The following LYSMD4 variants were observed in gnomAD, a reference collection of about 807,000 sequenced individuals.
LYSMD4 encodes the protein lysM and putative peptidoglycan-binding domain-containing protein 4.
A neutral mutation model predicts 6.1 loss-of-function variants in LYSMD4; 9 were observed. The observed-to-expected ratio is 1.47, with a 90% CI of 0.88 to 2.56. The LOEUF (loss-of-function observed/expected upper bound fraction) is 2.56. Ranked by LOEUF, LYSMD4 falls within the 30% of genes most tolerant of loss-of-function variation. LYSMD4 has a pLI of 0.00. For synonymous variants in LYSMD4, 143 were observed against 148.5 expected (o/e 0.96, Z 0.27); for missense variants, 384 against 373.5 (o/e 1.03, Z -0.23).
chr15:99,717,144 C>T (rs1247694469), exon 1 of LYSMD4: 1 of 154,716 alleles, frequency 6.5e-6, no homozygotes, highest in Non-Finnish European at 1.4e-5. Context: ...AAGCAGATTC[C>T]TGGTGTTAAA....
At chr15:99,725,972 G>A (rs141223582), downstream of LYSMD4, among the ~76,000 whole-genome samples, 1 of 152,186 alleles carries the variant, frequency 6.6e-6, no homozygotes, top group African/African-American at 2.4e-5. Context: ...GGTAGTGAGG[G>A]TAAAGTGGGT....
rs755341879 is a variant in LYSMD4 at position 99,728,784 on chromosome 15, C to T, written c.*339G>A. On this transcript the variant is annotated 3_prime_UTR_variant, in exon 3 of 3. Transcript: ENST00000684762. ...ACTGGCTCTCACGCTGCAGGTCCCT[C>T]GACAGAGGCCATAAATCTTTCCCTC... is the stretch of plus-strand genomic sequence containing the variant. 2 of 309,038 alleles carry T rather than the reference C, an allele frequency of 6.5e-6. No homozygotes were observed. Among genetic ancestry groups the T allele is most frequent in the Non-Finnish European group, 1.2e-5 (2 of 160,556 alleles). The allele number at this position is 309,038 out of a possible 1,614,324, so 19.1% of individuals were successfully genotyped here.
rs911569088 is a variant in LYSMD4 at position 99,731,270 on chromosome 15, G to C, written c.282+448C>G. On this transcript the variant is annotated intron_variant, in intron 2 of 2. Transcript: ENST00000684762. ...TACAAAAGACCATGCAGTTCTAAAC[G>C]AGAGAAGGTAAAACTTTACCAAAAG... 3 of 1,601,124 alleles carry C rather than the reference G, an allele frequency of 1.9e-6. No homozygotes were observed. The African/African-American group carries it at 4.1e-5, about 22-fold the overall frequency.
chr15:99,719,300 C>A (rs77429094), upstream of LYSMD4, among the ~76,000 whole-genome samples: 6 of 152,186 alleles, frequency 3.9e-5, no homozygotes, highest in Non-Finnish European at 5.9e-5. Context: ...TTTTATTTCA[C>A]TTTCGGCACC....
chr15:99,723,145 AAAAATGAAT>A (rs1017677974), downstream of LYSMD4, among the ~76,000 whole-genome samples: 19 of 152,336 alleles, frequency 1.2e-4, no homozygotes, highest in African/African-American at 4.6e-4. Context: ...GAGACAATAA[AAAAATGAAT>A]AAAATATAAA....
Position 99,729,598 on chromosome 15 carries a change from G to C in LYSMD4, c.416C>G (p.Pro139Arg). ...CACGGTCACTGTGGTCTCGGAAGAC[G>C]GGCTCAGAAGGGGTTTCAGTTCTTT... Reference protein sequence around the residue: ...THKELKPLLSPSSETTVTVEL... With the variant: ...THKELKPLLSRSSETTVTVEL... Residue 139 changes from proline (P) to arginine (R), a missense_variant, in exon 3 of 3, where the codon CCG becomes CGG. Physicochemically the swap from Pro to Arg is moderately radical, Grantham distance 103. Coordinates refer to ENST00000684762, the MANE Select transcript of LYSMD4 (RefSeq NM_001284417.2). The C allele has an allele frequency of 6.2e-7, 1 of 1,614,130 alleles. No homozygotes were observed.
At chr15:99,733,083 C>CG (rs1222462521) in intron 1 of LYSMD4, 30 of 353,548 alleles carry the variant, frequency 8.5e-5, no homozygotes. Flanking sequence ...GGGAGCGGCC[C>CG]GGCCCCAGGG....
intron 2 of LYSMD4, among the ~76,000 whole-genome samples, chr15:99,730,667 T>A (rs1567555343): frequency 6.6e-6 from 1 of 152,272 alleles, no homozygotes; most frequent in African/African-American, 2.4e-5. Flanking sequence ...ATCTAATGCA[T>A]GAGACCCTTG....
In LYSMD4 at chr15:99,731,853, C is replaced by T. The variant is rs759814653; in HGVS notation, c.147G>A (p.Arg49=). The change falls in exon 2 of 3, where the codon CGG becomes CGA. Residue 49 remains arginine (R), a synonymous_variant. Coordinates refer to ENST00000684762, the MANE Select transcript of LYSMD4 (RefSeq NM_001284417.2). ...TCTTGTGGCGCTCCTTGCCCCGGGG[C>T]CGCAAAACCACACGGTGAGACTCTT... ...SEEESHRVVL[R]PRGKERHKSG... The T allele has an allele frequency of 2.5e-6, 4 of 1,613,280 alleles. No individual in the cohort carries two copies. The South Asian group carries it at 3.3e-5, about 13-fold the overall frequency.
chr15:99,733,298 C>T, intron 1 of LYSMD4, 47 bp downstream of exon 1: 1 of 389,334 alleles, frequency 2.6e-6, no homozygotes, highest in Non-Finnish European at 4.5e-6. Flanking sequence ...CATGAGCCCG[C>T]GCGGCTCCCT....
chr15:99,732,700 G>C lies in LYSMD4; in HGVS notation c.-9+645C>G, dbSNP rs540760941. Among the ~76,000 whole-genome samples, 7 of 152,358 alleles carry C rather than the reference G, an allele frequency of 4.6e-5. No individual in the cohort carries two copies. The East Asian group carries it at 1.3e-3, about 29-fold the overall frequency. Reference sequence around the variant, plus strand: ...CTGTTCCTCTCTCCAGATTGTTCGCGTGAGATTCCAGAAACGAAATCTCAA... The same window carrying C: ...CTGTTCCTCTCTCCAGATTGTTCGCCTGAGATTCCAGAAACGAAATCTCAA... On this transcript the variant is annotated intron_variant, in intron 1 of 2. Transcript: ENST00000684762.
chr15:99,721,406 CCTTT>C (rs2059237136), upstream of LYSMD4, among the ~76,000 whole-genome samples: 1 of 152,212 alleles, frequency 6.6e-6, no homozygotes, highest in African/African-American at 2.4e-5. Context: ...GGCTATCCTT[CCTTT>C]CTAACTACTC....
downstream of LYSMD4, among the ~76,000 whole-genome samples, chr15:99,724,732 C>CA (rs1245622597): frequency 6.6e-6 from 1 of 152,238 alleles, no homozygotes; most frequent in Non-Finnish European, 1.5e-5. Flanking sequence ...TGATGTACAA[C>CA]AACCCAGTGT....
rs202140736 is a variant in LYSMD4, at chr15:99,729,173, C to T, written c.841G>A (p.Val281Ile). The change falls in exon 3 of 3, where the codon GTC becomes ATC. Residue 281 changes from valine (V) to isoleucine (I), a missense_variant. Transcript: ENST00000684762. ...APRLAVAVPA[V>I]TSADSQFSQT... Reference sequence around the variant, plus strand: ...CTGAACTGGCTGTCTGCAGAAGTGACGGCTGGCACTGCAACTGCTAGTCTG... The same window carrying T: ...CTGAACTGGCTGTCTGCAGAAGTGATGGCTGGCACTGCAACTGCTAGTCTG... 42 of 1,614,216 alleles carry T rather than the reference C, an allele frequency of 2.6e-5. No individual in the cohort carries two copies. Among genetic ancestry groups the T allele is most frequent in the East Asian group, 2.2e-4 (10 of 44,884 alleles).
intron 2 of LYSMD4, chr15:99,731,434 A>C (rs780554830): frequency 6.2e-7 from 1 of 1,605,928 alleles, no homozygotes. Flanking sequence ...TCGAAAGAAG[A>C]AAAAAGGTTT....
chr15:99,729,251 T>C lies in LYSMD4; in HGVS notation c.763A>G (p.Thr255Ala), dbSNP rs143078595. 1.9e-6 allele frequency: 3 copies of C among 1,614,056 alleles called. No homozygotes were observed. Among genetic ancestry groups the C allele is most frequent in the Admixed American group, 1.7e-5 (1 of 60,000 alleles). The change falls in exon 3 of 3, where the codon ACT becomes GCT. Residue 255 changes from threonine (T) to alanine (A), a missense_variant. Thr to Ala is a moderately conservative substitution (Grantham distance 58). Coordinates refer to ENST00000684762, the MANE Select transcript of LYSMD4 (RefSeq NM_001284417.2). Reference protein sequence around the residue: ...SGETPNSLNTTVIPNGSMAMG... With the variant: ...SGETPNSLNTAVIPNGSMAMG... ...GCCATCGAGCCATTGGGGATGACAG[T>C]TGTGTTCAAGCTATTAGGGGTCTCA...
At position 99,731,737 on chromosome 15, in the gene LYSMD4, G is replaced by A. The variant is rs1249700216; in HGVS notation, c.263C>T (p.Ala88Val). Reference protein sequence around the residue: ...LAQEDSLNKLALQYGCKVADI... With the variant: ...LAQEDSLNKLVLQYGCKVADI... ...TCTTACTTTGCAGCCATACTGCAGC[G>A]CCAGCTTGTTGAGGCTGTCCTCCTG... Residue 88 changes from alanine (A) to valine (V), a missense_variant, in exon 2 of 3, where the codon GCG becomes GTG. Ala to Val is a moderately conservative substitution (Grantham distance 64, BLOSUM62 0). Transcript: ENST00000684762. The A allele has an allele frequency of 1.9e-6, 3 of 1,601,670 alleles. No homozygotes were observed. The highest frequency in any genetic ancestry group is 2.6e-6 in the Non-Finnish European group (3 of 1,174,320).
exon 1 of LYSMD4, chr15:99,716,745 C>T (rs780396738): frequency 2.0e-5 from 9 of 454,690 alleles, no homozygotes; most frequent in Admixed American, 2.4e-5. Context: ...GCAGTCCCAC[C>T]GGGGCCTAAT....
downstream of LYSMD4, among the ~76,000 whole-genome samples, chr15:99,724,704 T>C (rs2059263706): frequency 6.6e-6 from 1 of 152,236 alleles, no homozygotes; most frequent in African/African-American, 2.4e-5. Flanking sequence ...ATGTTCCTTA[T>C]TCAGGATAGT....
Sources: allele counts gnomAD v4.1 joint callset (sites outside exome capture counted in the v4.1 genomes callset), GRCh38; gene constraint gnomAD v4.1.1; transcripts MANE v1.5; gene names NCBI Gene and HGNC (gene_info 2026-07-23, HGNC 2026-07-21).